Variants in WDFY1 observed in about 807,000 individuals in gnomAD.
WDFY1 encodes WD repeat and FYVE domain containing 1, also known as WD repeat and FYVE domain-containing protein 1.
Under a neutral mutation model 56.4 loss-of-function variants are expected in WDFY1, and 32 were observed. The observed-to-expected ratio is 0.57, with a 90% CI of 0.43 to 0.76. The LOEUF is 0.76. Ranked by LOEUF, WDFY1 falls within the 30% of genes least tolerant of loss-of-function variation. WDFY1 has a pLI of 0.00. For missense variants in WDFY1, 480 were observed against 545.7 expected (o/e 0.88, Z 1.20); for synonymous variants, 192 against 197.3 (o/e 0.97, Z 0.23).
At chr2:223,920,149 T>A (rs1353349125) in intron 1 of WDFY1, among the ~76,000 whole-genome samples, 1 of 152,226 alleles carries the variant, frequency 6.6e-6, no homozygotes, top group Non-Finnish European at 1.5e-5. Context: ...ATATTTTCAA[T>A]GCAAACTTGA....
chr2:223,910,224 A>G (rs1397731760), intron 3 of WDFY1, among the ~76,000 whole-genome samples: 2 of 152,242 alleles, frequency 1.3e-5, no homozygotes, highest in Non-Finnish European at 2.9e-5. Flanking sequence ...ATAAATGTGG[A>G]ACCCCTCCCT....
Position 223,875,405 on chromosome 2 carries a change from A to G in WDFY1, c.*3266T>C, listed in dbSNP as rs1015169439. ...TTCTCAAAAAAAAAAACCCACAAAA[A>G]CAGAACCCACAAATAGGAGCAAAGA... On this transcript the variant is annotated 3_prime_UTR_variant, in exon 12 of 12. Coordinates refer to ENST00000233055, the MANE Select transcript of WDFY1 (RefSeq NM_020830.5). 1 of 152,054 alleles carries G rather than the reference A, an allele frequency of 6.6e-6. No homozygotes were observed. The highest frequency in any genetic ancestry group is 2.4e-5 in the African/African-American group (1 of 41,408). The allele number at this position is 152,054 out of a possible 1,614,324, so 9.4% of individuals were successfully genotyped here.
intron 9 of WDFY1, among the ~76,000 whole-genome samples, chr2:223,883,256 C>T (rs1693106999): frequency 6.6e-6 from 1 of 152,184 alleles, no homozygotes; most frequent in African/African-American, 2.4e-5. Flanking sequence ...TTGCTATTTT[C>T]TAAAATCTCT....
rs138538836 is a variant in WDFY1 at position 223,878,828 on chromosome 2, G to A, written c.1174-98C>T. On this transcript the variant is annotated intron_variant, in intron 11 of 11. Coordinates refer to ENST00000233055, the MANE Select transcript of WDFY1 (RefSeq NM_020830.5). Reference sequence around the variant, plus strand: ...AACAAACGACTGTTAAACCTGAAAAGGTGTCAAATTAATGAATTTTCTCAT... The same window carrying A: ...AACAAACGACTGTTAAACCTGAAAAAGTGTCAAATTAATGAATTTTCTCAT... The A allele has an allele frequency of 7.7e-3, 10,889 of 1,409,960 alleles. 62 individuals carry two copies. Among genetic ancestry groups the A allele is most frequent in the Non-Finnish European group, 9.0e-3 (9,217 of 1,020,172 alleles). 87.3% of individuals were successfully genotyped at this position (1,409,960 alleles called of 1,614,324 possible).
intron 8 of WDFY1, among the ~76,000 whole-genome samples, chr2:223,892,811 C>T (rs566356291): frequency 2.3e-4 from 35 of 152,322 alleles, no homozygotes; most frequent in African/African-American, 8.2e-4. Flanking sequence ...CATGTGATGT[C>T]ATGCAACACA....
At chr2:223,924,195 C>T (rs958765723) in intron 1 of WDFY1, among the ~76,000 whole-genome samples, 1 of 152,194 alleles carries the variant, frequency 6.6e-6, no homozygotes, top group Non-Finnish European at 1.5e-5. Context: ...CCAAACTTCT[C>T]CATGCTACCA....
chr2:223,894,332 C>T lies in WDFY1; in HGVS notation c.733G>A (p.Val245Met). ...TLLLQGHHDK[V>M]QSLCYLQLTR... ...AGCTGAAGGTAGCACAGCGACTGCA[C>T]CTTGTCACTGCAAACAGCACACACA... is the stretch of plus-strand genomic sequence containing the variant. The change falls in exon 8 of 12, where the codon GTG (valine) becomes ATG (methionine). Residue 245 changes from valine to methionine, a missense_variant. Transcript: ENST00000233055. The T allele has an allele frequency of 5.0e-6, 8 of 1,614,152 alleles. No individual in the cohort carries two copies. The highest frequency in any genetic ancestry group is 5.9e-6 in the Non-Finnish European group (7 of 1,179,996).
chr2:223,922,624 G>A (rs1385585314), intron 1 of WDFY1, among the ~76,000 whole-genome samples: 1 of 152,164 alleles, frequency 6.6e-6, no homozygotes, highest in Non-Finnish European at 1.5e-5. Flanking sequence ...ATGCTGACAT[G>A]TTCTAAAACT....
At chr2:223,890,832 G>T (rs1434655566) in intron 8 of WDFY1, among the ~76,000 whole-genome samples, 5 of 152,168 alleles carry the variant, frequency 3.3e-5, no homozygotes, top group African/African-American at 1.2e-4. Flanking sequence ...TTTTCAAGAA[G>T]ATTCATTCTA....
chr2:223,878,852 A>C, intron 11 of WDFY1, 122 bp from the exon 12 acceptor site: 33 of 1,245,098 alleles, frequency 2.7e-5, no homozygotes, highest in East Asian at 2.5e-5. Context: ...GAATTTTCTC[A>C]TTCTCCTCTT....
At chr2:223,892,027 C>T (rs189248101) in intron 8 of WDFY1, among the ~76,000 whole-genome samples, 9 of 152,198 alleles carry the variant, frequency 5.9e-5, no homozygotes, top group Non-Finnish European at 1.2e-4. Context: ...CAGGTTGGAG[C>T]GCAGTGGTGC....
chr2:223,943,333 A>G (rs1689346893), intron 1 of WDFY1, among the ~76,000 whole-genome samples: 1 of 152,076 alleles, frequency 6.6e-6, no homozygotes, highest in Non-Finnish European at 1.5e-5. Context: ...CCTTGTTGGA[A>G]GTCAGCTACA....
intron 1 of WDFY1, among the ~76,000 whole-genome samples, chr2:223,924,200 C>T (rs1390768110): frequency 6.6e-6 from 1 of 152,218 alleles, no homozygotes; most frequent in Non-Finnish European, 1.5e-5. Context: ...CTTCTCCATG[C>T]TACCATTCCT....
intron 1 of WDFY1, among the ~76,000 whole-genome samples, chr2:223,941,412 T>C (rs762129281): frequency 6.6e-6 from 1 of 152,166 alleles, no homozygotes; most frequent in Non-Finnish European, 1.5e-5. Context: ...AATTCCCTCC[T>C]GTCCTTTCCT....
Position 223,876,010 on chromosome 2 carries a change from TAGC to T in WDFY1, c.*2658_*2660del. 1 of 152,288 alleles carries T rather than the reference TAGC, an allele frequency of 6.6e-6. No individual in the cohort carries two copies. Among genetic ancestry groups the T allele is most frequent in the South Asian group, 2.1e-4 (1 of 4,828 alleles). 9.4% of individuals were successfully genotyped at this position (152,288 alleles called of 1,614,324 possible). A position where few individuals can be genotyped will look rare whatever the true frequency, so the allele number is the denominator to read the frequency against. ...ATAGTATTTCTTTATATCCTTTAGG[TAGC>T]AGGACAGAGCTAGGACATAGTAAAG... On this transcript the variant is annotated 3_prime_UTR_variant, in exon 12 of 12. Coordinates refer to ENST00000233055, the MANE Select transcript of WDFY1 (RefSeq NM_020830.5).
Position 223,875,547 on chromosome 2 carries a change from T to C in WDFY1, c.*3124A>G, listed in dbSNP as rs1692953910. The C allele has an allele frequency of 1.3e-5, 2 of 152,212 alleles. No individual in the cohort carries two copies. Among genetic ancestry groups the C allele is most frequent in the African/African-American group, 4.8e-5 (2 of 41,456 alleles). 9.4% of individuals were successfully genotyped at this position (152,212 alleles called of 1,614,324 possible). On this transcript the variant is annotated 3_prime_UTR_variant, in exon 12 of 12. Coordinates refer to ENST00000233055, the MANE Select transcript of WDFY1 (RefSeq NM_020830.5). ...CCTTGCTTCCCCAGTCAAAAAAGGC[T>C]ATAGAGAAAAACACTTTAAATTGTA...
At chr2:223,923,870 C>G (rs1409958737) in intron 1 of WDFY1, among the ~76,000 whole-genome samples, 4 of 152,130 alleles carry the variant, frequency 2.6e-5, no homozygotes, top group African/African-American at 4.8e-5. Context: ...AATGTCTAAA[C>G]CACTCTCTCC....
intron 8 of WDFY1, among the ~76,000 whole-genome samples, chr2:223,891,613 G>A (rs1693280952): frequency 6.8e-6 from 1 of 146,982 alleles, no homozygotes; most frequent in Admixed American, 6.7e-5. Flanking sequence ...TCTTTCCCTA[G>A]ATAGAGAAAT....
At chr2:223,924,105 T>G (rs2106096063) in intron 1 of WDFY1, among the ~76,000 whole-genome samples, 1 of 152,354 alleles carries the variant, frequency 6.6e-6, no homozygotes, top group African/African-American at 2.4e-5. Flanking sequence ...TAAGTTGTTT[T>G]AAAACAATAG....
Sources: gnomAD v4.1 joint callset for allele counts (sites outside exome capture counted in the v4.1 genomes callset) on GRCh38, gnomAD v4.1.1 for gene constraint, MANE v1.5 for transcripts, NCBI Gene and HGNC (gene_info 2026-07-23, HGNC 2026-07-21) for gene names.